Variants in KLHL1 observed in about 807,000 individuals in gnomAD.
KLHL1 encodes the protein kelch-like protein 1.
A neutral mutation model predicts 77.7 loss-of-function variants in KLHL1; 47 were observed. That is an observed-to-expected ratio of 0.60 (90% CI 0.48 to 0.77). The LOEUF is 0.77. Ranked by LOEUF, KLHL1 falls within the 30% of genes least tolerant of loss-of-function variation. The pLI is 0.00. For synonymous variants in KLHL1, 360 were observed against 325.2 expected (o/e 1.11, Z -1.15); for missense variants, 925 against 910.8 (o/e 1.02, Z -0.20).
intron 1 of KLHL1, among the ~76,000 whole-genome samples, chr13:70,017,265 G>A (rs1297423637): frequency 6.6e-6 from 1 of 152,218 alleles, no homozygotes; most frequent in African/African-American, 2.4e-5. Flanking sequence ...CCTTTGGGAA[G>A]CCCAAATATA....
At chr13:70,056,926 C>G (rs1195590142) in intron 1 of KLHL1, among the ~76,000 whole-genome samples, 2 of 151,730 alleles carry the variant, frequency 1.3e-5, no homozygotes, top group African/African-American at 2.4e-5. Context: ...GAGGAGCAAA[C>G]CAAACCCAAA....
chr13:70,072,998 T>C (rs915108811), intron 1 of KLHL1, among the ~76,000 whole-genome samples: 4 of 152,128 alleles, frequency 2.6e-5, no homozygotes, highest in Non-Finnish European at 4.4e-5. Flanking sequence ...TGGAAGACAG[T>C]TGGTGATTCC....
intron 1 of KLHL1, among the ~76,000 whole-genome samples, chr13:70,053,321 G>T (rs1272612376): frequency 6.6e-6 from 1 of 152,002 alleles, no homozygotes; most frequent in African/African-American, 2.4e-5. Context: ...TGAAAGATAA[G>T]TTAGGGCCAG....
intron 9 of KLHL1, among the ~76,000 whole-genome samples, chr13:69,710,215 A>G (rs1323040079): frequency 6.6e-6 from 1 of 151,830 alleles, no homozygotes; most frequent in East Asian, 1.9e-4. Flanking sequence ...GGGAAATTTT[A>G]AGAATACTCA....
chr13:69,702,579 G>A (rs1364991755), intron 10 of KLHL1, among the ~76,000 whole-genome samples: 2 of 151,516 alleles, frequency 1.3e-5, no homozygotes, highest in East Asian at 1.9e-4. Flanking sequence ...AGACAAAGTA[G>A]CCTCAAATCA....
chr13:69,732,626 A>C (rs1244619386), intron 8 of KLHL1, among the ~76,000 whole-genome samples: 1 of 135,736 alleles, frequency 7.4e-6, no homozygotes, highest in African/African-American at 3.2e-5. Context: ...GAGGAGAGTA[A>C]AGGGTCTTGG....
At chr13:69,850,690 C>T (rs990104066) in intron 5 of KLHL1, among the ~76,000 whole-genome samples, 3 of 151,648 alleles carry the variant, frequency 2.0e-5, no homozygotes, top group East Asian at 1.9e-4. Flanking sequence ...ACTCCCACAG[C>T]GTCCTAAAAC....
chr13:70,091,591 T>C (rs772301355), intron 1 of KLHL1, among the ~76,000 whole-genome samples: 15 of 152,176 alleles, frequency 9.9e-5, no homozygotes, highest in Non-Finnish European at 2.1e-4. Flanking sequence ...GTCCAACTAA[T>C]TTAATCATTC....
chr13:69,759,662 A>G (rs1874928999), intron 7 of KLHL1, among the ~76,000 whole-genome samples: 1 of 152,200 alleles, frequency 6.6e-6, no homozygotes, highest in African/African-American at 2.4e-5. Context: ...TCTTCTAGTT[A>G]CCTGCTTCAT....
chr13:69,986,452 T>G (rs545421437), intron 1 of KLHL1, among the ~76,000 whole-genome samples: 1 of 152,168 alleles, frequency 6.6e-6, no homozygotes, highest in South Asian at 2.1e-4. Flanking sequence ...CAGAAATATG[T>G]ATAATTATTA....
At chr13:70,035,254 T>C (rs1319191357) in intron 1 of KLHL1, among the ~76,000 whole-genome samples, 2 of 152,062 alleles carry the variant, frequency 1.3e-5, no homozygotes, top group African/African-American at 4.8e-5. Flanking sequence ...TATTCAGCCA[T>C]AAAAAATGAG....
chr13:69,813,504 A>ACACT (rs756518161), intron 6 of KLHL1, among the ~76,000 whole-genome samples: 1 of 137,388 alleles, frequency 7.3e-6, no homozygotes, highest in South Asian at 2.1e-4. Flanking sequence ...ACACACACAC[A>ACACT]TATATATATA....
intron 8 of KLHL1, among the ~76,000 whole-genome samples, chr13:69,729,961 A>T (rs1054173905): frequency 6.6e-6 from 1 of 152,136 alleles, no homozygotes; most frequent in African/African-American, 2.4e-5. Context: ...TATATGATGT[A>T]TGCTAGCTGA....
At chr13:69,704,847 G>A (rs1353630711) in intron 10 of KLHL1, among the ~76,000 whole-genome samples, 1 of 151,592 alleles carries the variant, frequency 6.6e-6, no homozygotes, top group Non-Finnish European at 1.5e-5. Context: ...TAAAAGTAAC[G>A]CTGAATGTAG....
intron 2 of KLHL1, among the ~76,000 whole-genome samples, 181 bp downstream of exon 2, chr13:69,975,439 C>A (rs982365646): frequency 3.3e-5 from 5 of 151,720 alleles, no homozygotes; most frequent in Non-Finnish European, 7.4e-5. Context: ...TTCAACTTTT[C>A]CACAAAAGAA....
At chr13:70,060,590 T>C (rs932344657) in intron 1 of KLHL1, among the ~76,000 whole-genome samples, 2 of 151,384 alleles carry the variant, frequency 1.3e-5, no homozygotes, top group Admixed American at 6.6e-5. Context: ...ATGCCTGTAA[T>C]CCAAGCACTT....
chr13:70,008,126 T>A (rs1593669468), intron 1 of KLHL1, among the ~76,000 whole-genome samples: 1 of 152,176 alleles, frequency 6.6e-6, no homozygotes, highest in East Asian at 1.9e-4. Context: ...AATTTCTAAA[T>A]CTTTTAGAGT....
At chr13:69,990,093 G>A (rs1884987241) in intron 1 of KLHL1, among the ~76,000 whole-genome samples, 1 of 151,840 alleles carries the variant, frequency 6.6e-6, no homozygotes, top group Admixed American at 6.6e-5. Flanking sequence ...CATAAGCAAA[G>A]GATAAATAAG....
At chr13:69,828,797 C>T (rs1334733432) in intron 6 of KLHL1, among the ~76,000 whole-genome samples, 1 of 149,972 alleles carries the variant, frequency 6.7e-6, no homozygotes, top group Admixed American at 6.7e-5. Context: ...CACCACTTCC[C>T]TGGCAACCTG....
Sources: gnomAD v4.1 joint callset for allele counts (sites outside exome capture counted in the v4.1 genomes callset) on GRCh38, gnomAD v4.1.1 for gene constraint, MANE v1.5 for transcripts, NCBI Gene and HGNC (gene_info 2026-07-23, HGNC 2026-07-21) for gene names.